AKAP1: variants seen among roughly 807,000 people sequenced by gnomAD.
AKAP1 encodes the protein A-kinase anchor protein 1, mitochondrial.
A neutral mutation model predicts 79.8 loss-of-function variants in AKAP1; 32 were observed. The ratio of observed to expected loss-of-function variants is 0.40; its 90% confidence interval spans 0.30 to 0.54. AKAP1 has a LOEUF of 0.54. Ranked by LOEUF, AKAP1 falls within the 20% of genes least tolerant of loss-of-function variation. The pLI is 0.47. For missense variants in AKAP1, 961 were observed against 1,138.9 expected (o/e 0.84, Z 2.25); for synonymous variants, 416 against 466.7 (o/e 0.89, Z 1.40).
At chr17:57,114,287 C>T (rs189511611) in intron 5 of AKAP1, among the ~76,000 whole-genome samples, 172 bp from the exon 6 acceptor site, 104 of 152,306 alleles carry the variant, frequency 6.8e-4, no homozygotes, top group Middle Eastern at 3.4e-3. Flanking sequence ...GTGTCGAACA[C>T]TTTCTGTTGT....
chr17:57,102,386 C>T (rs753888411), intron 1 of AKAP1, among the ~76,000 whole-genome samples: 2 of 152,054 alleles, frequency 1.3e-5, no homozygotes, highest in African/African-American at 4.8e-5. Flanking sequence ...GCTCATATAG[C>T]GCCTCTTCCC....
rs2230770 is a variant in AKAP1, at chr17:57,105,642, G to A, written c.178G>A (p.Val60Met). Residue 60 changes from valine (V) to methionine (M), a missense_variant, in exon 2 of 11, where the codon GTG (valine) becomes ATG (methionine). This residue lies in a region of AKAP1 where 108 missense variants were observed against 147.6 expected (regional missense o/e 0.73). Coordinates refer to ENST00000337714, the MANE Select transcript of AKAP1 (RefSeq NM_003488.4). ...ADPAIKEPLP[V>M]EDVCPKVVST... ...CCCTGCCATCAAGGAACCTCTCCCC[G>A]TGGAAGACGTCTGTCCCAAAGTAGT... 4.5e-3 allele frequency: 7,241 copies of A among 1,614,038 alleles called. 289 individuals carry two copies. In the African/African-American group the frequency reaches 0.083, roughly 19 times the overall value.
chr17:57,090,371 G>A (rs373211911), intron 1 of AKAP1, among the ~76,000 whole-genome samples: 40 of 151,928 alleles, frequency 2.6e-4, no homozygotes, highest in African/African-American at 9.2e-4. Context: ...TTAGTACAGT[G>A]ATTAGTTTGT....
At chr17:57,109,912 G>A in intron 2 of AKAP1, 113 bp from the exon 3 acceptor site, 1 of 1,395,046 alleles carries the variant, frequency 7.2e-7, no homozygotes. Context: ...CCAAGCTTGA[G>A]GAGCGGGTGT....
intron 8 of AKAP1, among the ~76,000 whole-genome samples, chr17:57,117,909 T>A (rs1217086264): frequency 1.3e-5 from 2 of 152,184 alleles, no homozygotes; most frequent in African/African-American, 4.8e-5. Flanking sequence ...TATTGGGCTG[T>A]GTGGCCAACT....
In AKAP1 at chr17:57,118,397, A is replaced by C. The variant is rs535379159; in HGVS notation, c.2517A>C (p.Ser839=). The change falls in exon 9 of 11, where the codon TCA becomes TCC. Residue 839 remains serine, a synonymous_variant. Coordinates refer to ENST00000337714, the MANE Select transcript of AKAP1 (RefSeq NM_003488.4). The part of the protein sequence containing the change: ...VMPLSDDDQF[S]PEADAAMSEM... ...CTCCTGAAGACGATGACCAGTTTTC[A>C]CCGGAAGCAGATGCCGCCATGAGCG... 1.1e-4 allele frequency: 170 copies of C among 1,613,872 alleles called. No homozygotes were observed. The South Asian group carries it at 1.7e-3, about 16-fold the overall frequency.
intron 2 of AKAP1, among the ~76,000 whole-genome samples, chr17:57,107,663 A>G (rs1280244233): frequency 6.6e-6 from 1 of 151,684 alleles, no homozygotes; most frequent in Non-Finnish European, 1.5e-5. Context: ...TTTAAACACT[A>G]ACCTCTTTGT....
chr17:57,117,627 C>A (rs1017004648), intron 8 of AKAP1, among the ~76,000 whole-genome samples: 1 of 152,174 alleles, frequency 6.6e-6, no homozygotes, highest in African/African-American at 2.4e-5. Context: ...TAGCTGGAGT[C>A]GGCTTAGAGG....
At chr17:57,116,741 G>A (rs773820560) in intron 7 of AKAP1, 119 bp from the exon 8 acceptor site, 10 of 986,902 alleles carry the variant, frequency 1.0e-5, no homozygotes, top group Admixed American at 8.7e-5. Context: ...TGCAAAGTAC[G>A]AACCCTCTGC....
At chr17:57,112,698 A>T (rs1915327178) in intron 5 of AKAP1, 80 bp downstream of exon 5, 1 of 1,517,746 alleles carries the variant, frequency 6.6e-7, no homozygotes, top group South Asian at 1.3e-5. Context: ...CCCAGACCTC[A>T]GGCTAAGAAG....
chr17:57,101,348 G>A (rs1437849103), intron 1 of AKAP1, among the ~76,000 whole-genome samples: 1 of 152,092 alleles, frequency 6.6e-6, no homozygotes, highest in Non-Finnish European at 1.5e-5. Flanking sequence ...ATACCACCTG[G>A]CTAATGTTTT....
Position 57,086,117 on chromosome 17 carries a change from G to A in AKAP1, c.-25+719G>A. On this transcript the variant is annotated intron_variant, in intron 1 of 10. Coordinates refer to ENST00000337714, the MANE Select transcript of AKAP1 (RefSeq NM_003488.4). This position sits in a 1 kb window ranked among gnomAD's most constrained non-coding sequence, Gnocchi z 5.1. ...GTCTCGGGGGGAATTTGCATTCGTA[G>A]CCCCTGCAGGCGTGTCCGGAGGGGT... 3.8e-6 allele frequency: 1 copy of A among 263,272 alleles called. No homozygotes were observed. The highest frequency in any genetic ancestry group is 7.6e-6 in the Non-Finnish European group (1 of 131,956). 16.3% of individuals were successfully genotyped at this position (263,272 alleles called of 1,614,324 possible).
intron 1 of AKAP1, among the ~76,000 whole-genome samples, chr17:57,100,664 C>T (rs1012967120): frequency 1.3e-5 from 2 of 152,074 alleles, no homozygotes; most frequent in African/African-American, 2.4e-5. Context: ...CGGATGAAAA[C>T]CTGGGTTTAG....
chr17:57,107,319 T>G (rs2241073), intron 2 of AKAP1, 141 bp downstream of exon 2: 642,997 of 1,181,058 alleles, frequency 0.54, 178,613 homozygotes, highest in East Asian at 0.77. Flanking sequence ...CCTGCAGAGG[T>G]CTGGACACGG....
At chr17:57,109,519 T>G (rs1289380551) in intron 2 of AKAP1, among the ~76,000 whole-genome samples, 1 of 152,212 alleles carries the variant, frequency 6.6e-6, no homozygotes, top group East Asian at 1.9e-4. Context: ...GTGAGGACTT[T>G]GTCTAGCTCT....
At chr17:57,104,339 T>C (rs1189895844) in intron 1 of AKAP1, among the ~76,000 whole-genome samples, 1 of 152,238 alleles carries the variant, frequency 6.6e-6, no homozygotes, top group Non-Finnish European at 1.5e-5. Flanking sequence ...TGCAGACCTA[T>C]GCTGGTTCTC....
intron 3 of AKAP1, among the ~76,000 whole-genome samples, chr17:57,110,471 C>T (rs1364546501): frequency 2.7e-5 from 4 of 150,076 alleles, no homozygotes; most frequent in Non-Finnish European, 6.0e-5. Flanking sequence ...GGAAAAAAAA[C>T]ACCAAGGCCG....
At position 57,110,071 on chromosome 17, in the gene AKAP1, C is replaced by G. The variant is rs752529110; in HGVS notation, c.1761C>G (p.Leu587=). Residue 587 remains leucine (L), a synonymous_variant, in exon 3 of 11, where the codon CTC becomes CTG. Transcript: ENST00000337714. The part of the protein sequence containing the change: ...SMDSVDSCCS[L]KKTESFQNAQ... ...ATTCCGTGGATAGCTGTTGCAGTCT[C>G]AAGAAGACTGAGAGCTTCCAAAATG... The G allele has an allele frequency of 6.2e-7, 1 of 1,614,154 alleles. No individual in the cohort carries two copies. Among genetic ancestry groups the G allele is most frequent in the South Asian group, 1.1e-5 (1 of 91,078 alleles).
chr17:57,116,311 C>G (rs759016014), intron 7 of AKAP1, 50 bp downstream of exon 7: 1 of 1,607,652 alleles, frequency 6.2e-7, no homozygotes, highest in Admixed American at 1.7e-5. Flanking sequence ...TTCTGGGATG[C>G]GTGATCTCTG....
Sources: allele counts gnomAD v4.1 joint callset (sites outside exome capture counted in the v4.1 genomes callset), GRCh38; gene constraint gnomAD v4.1.1; regional missense constraint gnomAD v4.1.1; non-coding constraint Gnocchi (gnomAD v3.1); transcripts MANE v1.5; gene names NCBI Gene and HGNC (gene_info 2026-07-23, HGNC 2026-07-21).